Variants in CHRM3 observed in about 807,000 individuals in gnomAD.
CHRM3 encodes the protein cholinergic receptor muscarinic 3, also known as muscarinic acetylcholine receptor M3.
In CHRM3, 11 loss-of-function variants were observed where a neutral mutation model predicts 41.8. That is an observed-to-expected ratio of 0.26 (90% CI 0.17 to 0.44). The LOEUF (loss-of-function observed/expected upper bound fraction) is 0.44, where lower values mean the gene tolerates loss of function less well. Among genes scored for constraint, CHRM3 ranks in the 20% least tolerant of loss-of-function variants. The probability of loss-of-function intolerance (pLI) is 1.00; values close to 1 mark genes in which losing one functional copy is unlikely to be tolerated. For missense variants in CHRM3, 571 were observed against 745.4 expected, an observed-to-expected ratio of 0.77 and a Z score of 2.72; for synonymous variants, 297 against 301.4, an observed-to-expected ratio of 0.99 and a Z score of 0.15.
chr1:239,813,943 T>C (rs1280558159), intron 5 of CHRM3, among the ~76,000 whole-genome samples: 1 of 148,654 alleles, frequency 6.7e-6, no homozygotes, highest in Non-Finnish European at 1.5e-5. Flanking sequence ...AACTCACAGT[T>C]GTAGACTGCC....
intron 4 of CHRM3, among the ~76,000 whole-genome samples, chr1:239,661,606 A>G (rs987023444): frequency 2.6e-5 from 4 of 152,224 alleles, no homozygotes; most frequent in Admixed American, 1.3e-4. Context: ...ATTCTGGAAA[A>G]GGCAAAACTG....
At chr1:239,567,116 T>G (rs1661426155) in intron 3 of CHRM3, among the ~76,000 whole-genome samples, 1 of 152,152 alleles carries the variant, frequency 6.6e-6, no homozygotes, top group Non-Finnish European at 1.5e-5. Flanking sequence ...ATTACCCTAT[T>G]GAAAATGTTT....
chr1:239,818,687 A>G (rs1024004680), intron 5 of CHRM3, among the ~76,000 whole-genome samples: 10 of 152,140 alleles, frequency 6.6e-5, no homozygotes, highest in African/African-American at 1.9e-4. Flanking sequence ...ATTGGCTTTT[A>G]TTTGCAATTC....
intron 3 of CHRM3, among the ~76,000 whole-genome samples, chr1:239,588,082 C>A (rs1253641695): frequency 6.6e-6 from 1 of 152,208 alleles, no homozygotes; most frequent in Non-Finnish European, 1.5e-5. Context: ...AAATTCCATG[C>A]AAATACTGCA....
intron 4 of CHRM3, among the ~76,000 whole-genome samples, chr1:239,672,272 C>CT (rs1347219661): frequency 2.3e-4 from 35 of 152,118 alleles, no homozygotes; most frequent in Non-Finnish European, 5.9e-5. Context: ...CTGCAGCACT[C>CT]TAGGGCTCTG....
At chr1:239,520,967 A>G (rs1669603263) in intron 2 of CHRM3, among the ~76,000 whole-genome samples, 1 of 152,206 alleles carries the variant, frequency 6.6e-6, no homozygotes, top group Admixed American at 6.5e-5. Flanking sequence ...TATAGAGCAC[A>G]GAAAAAAAAA....
At chr1:239,768,512 A>G (rs376878540) in intron 5 of CHRM3, among the ~76,000 whole-genome samples, 1 of 24,882 alleles carries the variant, frequency 4.0e-5, no homozygotes. Context: ...TGAAAATTAA[A>G]TAAATGCTAA....
At chr1:239,881,516 C>T (rs1677634621) in intron 6 of CHRM3, among the ~76,000 whole-genome samples, 1 of 152,054 alleles carries the variant, frequency 6.6e-6, no homozygotes, top group East Asian at 1.9e-4. Flanking sequence ...TTGATTACCT[C>T]ACCACTTCTC....
At chr1:239,515,733 G>A (rs1572565209) in intron 2 of CHRM3, among the ~76,000 whole-genome samples, 1 of 152,148 alleles carries the variant, frequency 6.6e-6, no homozygotes, top group African/African-American at 2.4e-5. Flanking sequence ...GATGGAGTAT[G>A]CCAAACTCTG....
chr1:239,573,391 A>G (rs1662010290), intron 3 of CHRM3, among the ~76,000 whole-genome samples: 1 of 152,192 alleles, frequency 6.6e-6, no homozygotes, highest in Non-Finnish European at 1.5e-5. Context: ...TTAGTTTAAC[A>G]TTGATATGTC....
At chr1:239,761,982 C>G (rs1572211422) in intron 5 of CHRM3, among the ~76,000 whole-genome samples, 1 of 152,180 alleles carries the variant, frequency 6.6e-6, no homozygotes, top group African/African-American at 2.4e-5. Context: ...CCTGGAAGCT[C>G]TCTCCCGGGA....
chr1:239,771,410 C>T (rs561986510), intron 5 of CHRM3, among the ~76,000 whole-genome samples: 62 of 152,152 alleles, frequency 4.1e-4, no homozygotes, highest in African/African-American at 1.3e-3. Flanking sequence ...CCTGGATTCC[C>T]GCCAAAAAAG....
intron 6 of CHRM3, 131 bp downstream of exon 6, chr1:239,827,509 G>A (rs565487979): frequency 6.6e-6 from 1 of 152,130 alleles, no homozygotes; most frequent in African/African-American, 2.4e-5. Flanking sequence ...TTAACTCTGT[G>A]TGTCTTTGTT....
intron 6 of CHRM3, among the ~76,000 whole-genome samples, chr1:239,881,143 C>T (rs967692373): frequency 5.9e-5 from 9 of 151,570 alleles, no homozygotes; most frequent in South Asian, 2.1e-4. Context: ...ATTAGCCGGG[C>T]GTGGTGGTGG....
chr1:239,457,286 A>T (rs1256322322), intron 1 of CHRM3, among the ~76,000 whole-genome samples: 1 of 152,190 alleles, frequency 6.6e-6, no homozygotes, highest in Non-Finnish European at 1.5e-5. Flanking sequence ...GAACACATAT[A>T]AACCTCTCAA....
At chr1:239,445,968 C>T (rs553248158) in intron 1 of CHRM3, among the ~76,000 whole-genome samples, 2 of 151,470 alleles carry the variant, frequency 1.3e-5, no homozygotes, top group East Asian at 2.0e-4. Context: ...GACAGAGTCT[C>T]GCTCTGTCAC....
At chr1:239,786,413 G>C (rs1668898748) in intron 5 of CHRM3, among the ~76,000 whole-genome samples, 1 of 152,184 alleles carries the variant, frequency 6.6e-6, no homozygotes, top group South Asian at 2.1e-4. Flanking sequence ...ATTACTATGA[G>C]ATAGATATTG....
intron 2 of CHRM3, among the ~76,000 whole-genome samples, chr1:239,500,973 G>A (rs958342736): frequency 6.6e-6 from 1 of 152,204 alleles, no homozygotes; most frequent in East Asian, 1.9e-4. Flanking sequence ...GGCAGGGGTA[G>A]CTATTCTTAT....
intron 6 of CHRM3, among the ~76,000 whole-genome samples, chr1:239,860,924 T>C (rs1441431374): frequency 6.6e-6 from 1 of 152,210 alleles, no homozygotes; most frequent in Non-Finnish European, 1.5e-5. Context: ...TTATATCTAT[T>C]TTTTTCTTAC....
Sources: gnomAD v4.1 joint callset for allele counts (sites outside exome capture counted in the v4.1 genomes callset) on GRCh38, gnomAD v4.1.1 for gene constraint, MANE v1.5 for transcripts, NCBI Gene and HGNC (gene_info 2026-07-23, HGNC 2026-07-21) for gene names.